Variants in SYT14 observed in about 807,000 individuals in gnomAD.
SYT14 encodes synaptotagmin-14.
A neutral mutation model predicts 74.2 loss-of-function variants in SYT14; 32 were observed. The observed-to-expected ratio is 0.43, with a 90% CI of 0.33 to 0.58. SYT14 has a LOEUF of 0.58. Among genes scored for constraint, SYT14 ranks in the 20% least tolerant of loss-of-function variants. The pLI, the probability that SYT14 is intolerant of heterozygous loss-of-function variation, is 0.05. For synonymous variants in SYT14, 298 were observed against 337.7 expected (o/e 0.88, Z 1.29); for missense variants, 791 against 981.8 (o/e 0.81, Z 2.60).
chr1:209,984,978 C>G (rs1572112425), intron 2 of SYT14, among the ~76,000 whole-genome samples: 1 of 152,174 alleles, frequency 6.6e-6, no homozygotes, highest in East Asian at 1.9e-4. Context: ...CACCTCCCAC[C>G]AGGCCCCACC....
In SYT14 at chr1:210,159,093, T is replaced by C. The variant is rs547597817; in HGVS notation, c.2225-328T>C. ...ATAATAATTCTGATGATCTTTATAA[T>C]TATTCAGTCTTTTATAGTCTGATAA... On this transcript the variant is annotated intron_variant, in intron 8 of 9. Transcript: ENST00000637265. 2.6e-5 allele frequency among the ~76,000 whole-genome samples: 4 copies of C among 152,322 alleles called. No individual in the cohort carries two copies. The South Asian group carries it at 8.3e-4, about 32-fold the overall frequency.
intron 1 of SYT14, among the ~76,000 whole-genome samples, chr1:209,949,637 A>G (rs1056438770): frequency 6.6e-6 from 1 of 151,160 alleles, no homozygotes; most frequent in African/African-American, 2.4e-5. Context: ...ACTTTTTAAT[A>G]TTTCTTCTTT....
At chr1:210,083,266 C>T (rs2081651867) in intron 5 of SYT14, among the ~76,000 whole-genome samples, 1 of 152,044 alleles carries the variant, frequency 6.6e-6, no homozygotes, top group South Asian at 2.1e-4. Flanking sequence ...AGCTGGGATA[C>T]AGGCGTGAGC....
intron 5 of SYT14, among the ~76,000 whole-genome samples, chr1:210,025,292 C>T (rs180767489): frequency 1.3e-5 from 2 of 152,264 alleles, no homozygotes; most frequent in Admixed American, 1.3e-4. Context: ...CTTGGTAGGA[C>T]TTCATTCATT....
chr1:210,100,422 G>C (rs372213054), exon 7 of SYT14: 1 of 1,613,244 alleles, frequency 6.2e-7, no homozygotes, highest in African/African-American at 1.3e-5. Context: ...AAGGGAAAAT[G>C]TCATTGCCTG....
At chr1:210,080,134 T>G (rs1339403517) in intron 5 of SYT14, among the ~76,000 whole-genome samples, 3 of 152,222 alleles carry the variant, frequency 2.0e-5, no homozygotes, top group Non-Finnish European at 2.9e-5. Context: ...CTGCATTATT[T>G]AGGATAATTC....
At chr1:209,959,092 AC>A (rs1432594363) in intron 2 of SYT14, among the ~76,000 whole-genome samples, 2 of 152,180 alleles carry the variant, frequency 1.3e-5, no homozygotes, top group African/African-American at 4.8e-5. Flanking sequence ...ATATGTTTAT[AC>A]AAAAATTTGT....
intron 7 of SYT14, among the ~76,000 whole-genome samples, chr1:210,129,042 A>G (rs2082624521): frequency 6.6e-6 from 1 of 152,224 alleles, no homozygotes. Context: ...GTAGAATTAT[A>G]AAGAAGTACA....
At chr1:210,135,523 G>A (rs548079810) in intron 7 of SYT14, among the ~76,000 whole-genome samples, 100 of 152,140 alleles carry the variant, frequency 6.6e-4, no homozygotes, top group African/African-American at 2.3e-3. Context: ...ATTTATAATC[G>A]CTGTTTTAAG....
chr1:210,026,536 G>A (rs1329855016), intron 5 of SYT14, among the ~76,000 whole-genome samples: 2 of 149,584 alleles, frequency 1.3e-5, no homozygotes, highest in East Asian at 2.0e-4. Context: ...ATTTATTTTG[G>A]GAGCAAGTTA....
intron 1 of SYT14, among the ~76,000 whole-genome samples, chr1:209,947,217 A>G (rs1293104317): frequency 6.6e-6 from 1 of 152,206 alleles, no homozygotes; most frequent in Non-Finnish European, 1.5e-5. Context: ...ATCAAGGATT[A>G]ATTAAGACTT....
At chr1:209,955,276 A>T (rs908831005) in intron 2 of SYT14, among the ~76,000 whole-genome samples, 2 of 152,190 alleles carry the variant, frequency 1.3e-5, no homozygotes, top group African/African-American at 4.8e-5. Context: ...TACAATAACA[A>T]CTTGACACGT....
Position 210,084,960 on chromosome 1 carries a change from G to A in SYT14, c.1313-9362G>A, listed in dbSNP as rs145858665. Among the ~76,000 whole-genome samples the A allele has an allele frequency of 7.3e-3, 1,114 of 152,284 alleles. 7 individuals are homozygous for A. The highest frequency in any genetic ancestry group is 0.025 in the African/African-American group (1,044 of 41,538). On this transcript the variant is annotated intron_variant, in intron 5 of 9. Coordinates refer to ENST00000637265, the Ensembl canonical transcript of SYT14. ...GTCTCTGCCTTTCTTTTGAGATGCC[G>A]TGTTACTGGAGAAAGGAAGCTCTGT...
chr1:209,984,919 A>G (rs1220266272), intron 2 of SYT14, among the ~76,000 whole-genome samples: 3 of 152,166 alleles, frequency 2.0e-5, no homozygotes, highest in Non-Finnish European at 4.4e-5. Context: ...AGTACTCACT[A>G]TTTCAAGAAC....
intron 5 of SYT14, among the ~76,000 whole-genome samples, chr1:210,033,897 G>A (rs747595359): frequency 5.3e-5 from 8 of 151,676 alleles, no homozygotes; most frequent in Middle Eastern, 3.4e-3. Context: ...ATTTTTACTT[G>A]TTTCTCAAAG....
chr1:210,039,950 A>G (rs547050172), intron 5 of SYT14, among the ~76,000 whole-genome samples: 6 of 152,320 alleles, frequency 3.9e-5, no homozygotes, highest in Non-Finnish European at 7.4e-5. Flanking sequence ...AATGCGTTCA[A>G]CCATTGTGGA....
chr1:210,020,047 T>C, intron 4 of SYT14, among the ~76,000 whole-genome samples: 1 of 152,158 alleles, frequency 6.6e-6, no homozygotes, highest in African/African-American at 2.4e-5. Flanking sequence ...TTCCAGATAG[T>C]TTTGTCTGTG....
intron 2 of SYT14, among the ~76,000 whole-genome samples, chr1:210,008,594 C>T (rs2080030930): frequency 6.6e-6 from 1 of 152,030 alleles, no homozygotes; most frequent in Non-Finnish European, 1.5e-5. Flanking sequence ...AACTTCTGAC[C>T]TCAGGTGACC....
At chr1:210,065,998 T>C (rs1038687487) in intron 5 of SYT14, among the ~76,000 whole-genome samples, 4 of 151,918 alleles carry the variant, frequency 2.6e-5, no homozygotes, top group African/African-American at 9.7e-5. Flanking sequence ...GTCCTTGTGA[T>C]AGTTTGCTGA....
Sources: allele counts gnomAD v4.1 joint callset (sites outside exome capture counted in the v4.1 genomes callset), GRCh38; gene constraint gnomAD v4.1.1; transcripts MANE v1.5; gene names NCBI Gene and HGNC (gene_info 2026-07-23, HGNC 2026-07-21).